TIRAP: variants seen among roughly 807,000 people sequenced by gnomAD.
TIRAP encodes toll/interleukin-1 receptor domain-containing adapter protein.
Under a neutral mutation model 19.8 loss-of-function variants are expected in TIRAP, and 20 were observed. The observed-to-expected ratio is 1.01, with a 90% CI of 0.71 to 1.47. TIRAP has a LOEUF of 1.47. Ranked by LOEUF, TIRAP falls within the 40% of genes most tolerant of loss-of-function variation. TIRAP has a pLI of 0.00. For missense variants in TIRAP, 276 were observed against 285.1 expected (o/e 0.97, Z 0.23); for synonymous variants, 125 against 121.7 (o/e 1.03, Z -0.18).
rs763516823 is a variant in TIRAP at position 126,288,587 on chromosome 11, T to C, written c.-216-1875T>C. On this transcript the variant is annotated intron_variant, in intron 1 of 4. Transcript: ENST00000392679. The surrounding 1 kb of genome is among the most constrained non-coding windows in gnomAD (Gnocchi z 5.0). ...ATCCTGTCAAAGGTGCTGTTATTTT[T>C]CTCTTTAAAACGTTTCCATGTTTCT... The C allele has an allele frequency of 6.6e-6, 1 of 152,184 alleles. No homozygotes were observed. The highest frequency in any genetic ancestry group is 2.4e-5 in the African/African-American group (1 of 41,438). The allele number at this position is 152,184 out of a possible 1,614,324, so 9.4% of individuals were successfully genotyped here.
At position 126,294,167 on chromosome 11, in the gene TIRAP, A is replaced by G. The variant is rs1951444165; in HGVS notation, c.*480A>G. The G allele has an allele frequency of 8.2e-6, 2 of 245,090 alleles. No homozygotes were observed. The highest frequency in any genetic ancestry group is 4.5e-5 in the African/African-American group (2 of 44,414). 15.2% of individuals were successfully genotyped at this position (245,090 alleles called of 1,614,324 possible). A position where few individuals can be genotyped will look rare whatever the true frequency, so the allele number is the denominator to read the frequency against. On this transcript the variant is annotated 3_prime_UTR_variant, in exon 5 of 5. Coordinates refer to ENST00000392679, the MANE Select transcript of TIRAP (RefSeq NM_001318777.2). ...AGAAGCCTAGATTGCAGGCCTCACC[A>G]TGGATGGTCTTCCTAGTTGCCTGGG... is the stretch of plus-strand genomic sequence containing the variant.
chr11:126,288,286 G>T lies in TIRAP; in HGVS notation c.-216-2176G>T, dbSNP rs2135286620. On this transcript the variant is annotated intron_variant, in intron 1 of 4. Transcript: ENST00000392679. The surrounding 1 kb of genome is among the most constrained non-coding windows in gnomAD (Gnocchi z 5.0). ...GCACAAAGAAAGCGACTGCGTATTA[G>T]ACCACACAGCAAATCAGAGAATAGG... is the stretch of plus-strand genomic sequence containing the variant. Among the ~76,000 whole-genome samples the T allele has an allele frequency of 6.6e-6, 1 of 152,348 alleles. No individual in the cohort carries two copies. Among genetic ancestry groups the T allele is most frequent in the African/African-American group, 2.4e-5 (1 of 41,576 alleles).
chr11:126,287,297 T>C lies in TIRAP; in HGVS notation c.-216-3165T>C, dbSNP rs1471971406. ...TAGAAATTGGAGACCAGTTTGATATTGGATACTAAATACACTTTGGATTTT... is the reference window on the plus strand; with the variant it reads ...TAGAAATTGGAGACCAGTTTGATATCGGATACTAAATACACTTTGGATTTT... On this transcript the variant is annotated intron_variant, in intron 1 of 4. Coordinates refer to ENST00000392679, the MANE Select transcript of TIRAP (RefSeq NM_001318777.2). This position sits in a 1 kb window ranked among gnomAD's most constrained non-coding sequence, Gnocchi z 4.2. Among the ~76,000 whole-genome samples, 1 of 151,970 alleles carries C rather than the reference T, an allele frequency of 6.6e-6. No individual in the cohort carries two copies. The highest frequency in any genetic ancestry group is 1.5e-5 in the Non-Finnish European group (1 of 68,010).
chr11:126,291,077 G>C lies in TIRAP; in HGVS notation c.67+116G>C. On this transcript the variant is annotated intron_variant, in intron 3 of 4. Coordinates refer to ENST00000392679, the MANE Select transcript of TIRAP (RefSeq NM_001318777.2). This position sits in a 1 kb window ranked among gnomAD's most constrained non-coding sequence, Gnocchi z 5.6. ...CTCAGAGAGACGCAGGAAGGCTGAC[G>C]TGGGGAACTCCTGACCTGAATTCAG... 1 of 1,281,854 alleles carries C rather than the reference G, an allele frequency of 7.8e-7. No homozygotes were observed. The highest frequency in any genetic ancestry group is 1.5e-5 in the South Asian group (1 of 67,414). 79.4% of individuals were successfully genotyped at this position (1,281,854 alleles called of 1,614,324 possible).
Position 126,292,889 on chromosome 11 carries a change from G to C in TIRAP, c.480G>C (p.Gln160His). The change falls in exon 4 of 5, where the codon CAG becomes CAC. Residue 160 changes from glutamine (Q) to histidine (H), a missense_variant. By Grantham distance (24) the Gln-to-His change is conservative. Transcript: ENST00000392679. The stretch of plus-strand genomic sequence containing the variant: ...TTCAGGACCCCTGGTGCAAGTACCA[G>C]ATGCTGCAGGCCCTGACCGAGGCTC... ...GFLQDPWCKYQMLQALTEAPG... is the reference protein window; with the variant it reads ...GFLQDPWCKYHMLQALTEAPG... The C allele has an allele frequency of 6.2e-7, 1 of 1,613,584 alleles. No homozygotes were observed. The highest frequency in any genetic ancestry group is 1.1e-5 in the South Asian group (1 of 91,042).
chr11:126,285,260 T>TATATATAA lies in TIRAP; in HGVS notation c.-217+2108_-217+2109insTATATAAA, dbSNP rs773653398. ...GTGTGTGTGTATATATATATATATATAATATATATTTTATTTGATTTTTGA... is the reference window on the plus strand; with the variant it reads ...GTGTGTGTGTATATATATATATATATATATATAAAATATATATTTTATTTGATTTTTGA... On this transcript the variant is annotated intron_variant, in intron 1 of 4. Transcript: ENST00000392679. 1.6e-3 allele frequency among the ~76,000 whole-genome samples: 213 copies of TATATATAA among 135,464 alleles called. 3 individuals are homozygous for TATATATAA. The highest frequency in any genetic ancestry group is 0.012 in the South Asian group (49 of 4,200). 88.9% of individuals were successfully genotyped at this position (135,464 alleles called of 152,430 possible). A position where few individuals can be genotyped will look rare whatever the true frequency, so the allele number is the denominator to read the frequency against.
In TIRAP at chr11:126,290,935, C is replaced by T; in HGVS notation, c.41C>T (p.Pro14Leu). ...TCCCTCCCAGCTCCTGGCTCTCGGC[C>T]TAAGAAGCCTCTAGGCAAGATGGCT... ...STSLPAPGSR[P>L]KKPLGKMADW... Residue 14 changes from proline (P) to leucine (L), a missense_variant, in exon 3 of 5, where the codon CCT becomes CTT. Physicochemically the swap from Pro to Leu is moderately conservative, Grantham distance 98. Coordinates refer to ENST00000392679, the MANE Select transcript of TIRAP (RefSeq NM_001318777.2). The surrounding 1 kb of genome is among the most constrained non-coding windows in gnomAD (Gnocchi z 4.9). 6.2e-7 allele frequency: 1 copy of T among 1,606,956 alleles called. No homozygotes were observed. Among genetic ancestry groups the T allele is most frequent in the Non-Finnish European group, 8.5e-7 (1 of 1,176,306 alleles).
chr11:126,289,200 T>C (rs1434148850), intron 1 of TIRAP, among the ~76,000 whole-genome samples: 2 of 152,246 alleles, frequency 1.3e-5, no homozygotes, highest in Non-Finnish European at 2.9e-5. Context: ...AACTTTGATA[T>C]ATGATCACAA....
In TIRAP at chr11:126,291,865, C is replaced by T. The variant is rs1951393499; in HGVS notation, c.68-612C>T. Among the ~76,000 whole-genome samples, 1 of 151,988 alleles carries T rather than the reference C, an allele frequency of 6.6e-6. No homozygotes were observed. Among genetic ancestry groups the T allele is most frequent in the Admixed American group, 6.6e-5 (1 of 15,266 alleles). Reference sequence around the variant, plus strand: ...CTTAAGGTGGGCTGGGCTGGGGGTACCAGATATCAAAGGGCCTGGAGTAGT... The same window carrying T: ...CTTAAGGTGGGCTGGGCTGGGGGTATCAGATATCAAAGGGCCTGGAGTAGT... On this transcript the variant is annotated intron_variant, in intron 3 of 4. Transcript: ENST00000392679. The surrounding 1 kb of genome is among the most constrained non-coding windows in gnomAD (Gnocchi z 5.6).
Position 126,287,134 on chromosome 11 carries a change from G to A in TIRAP, c.-216-3328G>A, listed in dbSNP as rs1951331009. On this transcript the variant is annotated intron_variant, in intron 1 of 4. Coordinates refer to ENST00000392679, the MANE Select transcript of TIRAP (RefSeq NM_001318777.2). The surrounding 1 kb of genome is among the most constrained non-coding windows in gnomAD (Gnocchi z 4.2). ...AACATATTCTCAGTTCCGGGGATTA[G>A]GATGTGGGCCTCTTTGTGGGCCACT... is the stretch of plus-strand genomic sequence containing the variant. Among the ~76,000 whole-genome samples the A allele has an allele frequency of 6.6e-6, 1 of 152,174 alleles. No homozygotes were observed. Among genetic ancestry groups the A allele is most frequent in the Non-Finnish European group, 1.5e-5 (1 of 68,038 alleles).
At position 126,292,771 on chromosome 11, in the gene TIRAP, G is replaced by A. The variant is rs199545047; in HGVS notation, c.362G>A (p.Arg121Gln). The A allele has an allele frequency of 2.6e-5, 42 of 1,612,930 alleles. No individual in the cohort carries two copies. Among genetic ancestry groups the A allele is most frequent in the Admixed American group, 5.0e-5 (3 of 59,872 alleles). The change falls in exon 4 of 5, where the codon CGG (arginine) becomes CAG (glutamine). Residue 121 changes from arginine to glutamine, a missense_variant. Coordinates refer to ENST00000392679, the MANE Select transcript of TIRAP (RefSeq NM_001318777.2). The part of the protein sequence containing the change: ...TASLRCFLQL[R>Q]DATPGGAIVS... The stretch of plus-strand genomic sequence containing the variant: ...AGCCTGCGCTGCTTCCTGCAACTCC[G>A]GGATGCAACCCCAGGCGGCGCTATA...
intron 1 of TIRAP, among the ~76,000 whole-genome samples, chr11:126,284,671 T>C (rs2135281187): frequency 6.6e-6 from 1 of 151,984 alleles, no homozygotes; most frequent in Admixed American, 6.5e-5. Flanking sequence ...CTAGTCAATA[T>C]GGTGAAACCC....
intron 1 of TIRAP, among the ~76,000 whole-genome samples, chr11:126,284,033 C>CTTTTTT (rs749115228): frequency 1.8e-4 from 20 of 113,158 alleles, no homozygotes; most frequent in East Asian, 8.2e-4. Flanking sequence ...TCATGTACTT[C>CTTTTTT]TTTTTTTTTT....
Position 126,291,205 on chromosome 11 carries a change from T to G in TIRAP, c.67+244T>G. On this transcript the variant is annotated intron_variant, in intron 3 of 4. Coordinates refer to ENST00000392679, the MANE Select transcript of TIRAP (RefSeq NM_001318777.2). The surrounding 1 kb of genome is among the most constrained non-coding windows in gnomAD (Gnocchi z 5.6). The stretch of plus-strand genomic sequence containing the variant: ...GTTTTCCAGGCCTGCTCAGCTAGCT[T>G]TCCTAGCCTGGAAACCACTGTGCTG... 2 of 613,602 alleles carry G rather than the reference T, an allele frequency of 3.3e-6. No individual in the cohort carries two copies. The highest frequency in any genetic ancestry group is 2.8e-6 in the Non-Finnish European group (1 of 359,884). 38.0% of individuals were successfully genotyped at this position (613,602 alleles called of 1,614,324 possible).
At position 126,283,119 on chromosome 11, in the gene TIRAP, C is replaced by T. The variant is rs895917130; in HGVS notation, c.-251C>T. 2 of 985,098 alleles carry T rather than the reference C, an allele frequency of 2.0e-6. No homozygotes were observed. Among genetic ancestry groups the T allele is most frequent in the Non-Finnish European group, 2.4e-6 (2 of 829,880 alleles). The allele number at this position is 985,098 out of a possible 1,614,324, so 61.0% of individuals were successfully genotyped here. ...TCTTCCCCGCGGAGCCCGCGCAGTC[C>T]GCGCAGCCCTCATCGCAACTGGGCC... On this transcript the variant is annotated 5_prime_UTR_variant, in exon 1 of 5. Transcript: ENST00000392679.
In TIRAP at chr11:126,290,877, A is replaced by G. The variant is rs747376430; in HGVS notation, c.-18A>G. 2 of 1,598,576 alleles carry G rather than the reference A, an allele frequency of 1.3e-6. No individual in the cohort carries two copies. The highest frequency in any genetic ancestry group is 2.3e-5 in the South Asian group (2 of 88,696). On this transcript the variant is annotated 5_prime_UTR_variant, in exon 3 of 5. Coordinates refer to ENST00000392679, the MANE Select transcript of TIRAP (RefSeq NM_001318777.2). The surrounding 1 kb of genome is among the most constrained non-coding windows in gnomAD (Gnocchi z 4.9). ...CACCAATGCCTGGTCTCACGGGGCT[A>G]GTTTTGACCCCCACGCTATGGCATC...
chr11:126,284,574 G>C (rs1951295825), intron 1 of TIRAP, among the ~76,000 whole-genome samples: 2 of 152,130 alleles, frequency 1.3e-5, no homozygotes, highest in Non-Finnish European at 2.9e-5. Context: ...TCTGTAAGCA[G>C]GCGGGGAACA....
Position 126,291,526 on chromosome 11 carries a change from G to A in TIRAP, c.67+565G>A, listed in dbSNP as rs1021505774. ...CAGTTAACTTTCAGCAACTAAGACAGGTCCACAAGTCCACAGTCAAAGCCG... is the reference window on the plus strand; with the variant it reads ...CAGTTAACTTTCAGCAACTAAGACAAGTCCACAAGTCCACAGTCAAAGCCG... On this transcript the variant is annotated intron_variant, in intron 3 of 4. Coordinates refer to ENST00000392679, the MANE Select transcript of TIRAP (RefSeq NM_001318777.2). This position sits in a 1 kb window ranked among gnomAD's most constrained non-coding sequence, Gnocchi z 5.6. The A allele has an allele frequency of 3.0e-5, 23 of 770,432 alleles. No individual in the cohort carries two copies. Among genetic ancestry groups the A allele is most frequent in the Non-Finnish European group, 3.7e-5 (19 of 513,348 alleles). 47.7% of individuals were successfully genotyped at this position (770,432 alleles called of 1,614,324 possible). A position where few individuals can be genotyped will look rare whatever the true frequency, so the allele number is the denominator to read the frequency against.
chr11:126,286,462 C>G (rs2135284249), intron 1 of TIRAP, among the ~76,000 whole-genome samples: 1 of 152,328 alleles, frequency 6.6e-6, no homozygotes, highest in South Asian at 2.1e-4. Flanking sequence ...TTTGAGAACA[C>G]TGTGTTGTGT....
Sources: gnomAD v4.1 joint callset for allele counts (sites outside exome capture counted in the v4.1 genomes callset) on GRCh38, gnomAD v4.1.1 for gene constraint, Gnocchi (gnomAD v3.1) non-coding constraint, MANE v1.5 for transcripts, NCBI Gene and HGNC (gene_info 2026-07-23, HGNC 2026-07-21) for gene names.